Variants in ZNF619 observed in about 807,000 individuals in gnomAD.
ZNF619 encodes zinc finger protein 619.
In ZNF619, 9 loss-of-function variants were observed where a neutral mutation model predicts 14.2. The observed-to-expected ratio is 0.64, with a 90% confidence interval of 0.38 to 1.11. The LOEUF (loss-of-function observed/expected upper bound fraction) is 1.11, where lower values mean the gene tolerates loss of function less well. Among genes scored for constraint, ZNF619 ranks in the 50% least tolerant of loss-of-function variants. The probability of loss-of-function intolerance (pLI) is 0.01; values close to 1 mark genes in which losing one functional copy is unlikely to be tolerated. For synonymous variants in ZNF619, 246 were observed against 252.8 expected, an observed-to-expected ratio of 0.97 and a Z score of 0.26; for missense variants, 659 against 680.1, an observed-to-expected ratio of 0.97 and a Z score of 0.34.
At chr3:40,478,306 G>T (rs957766317) in intron 2 of ZNF619, among the ~76,000 whole-genome samples, 6 of 152,064 alleles carry the variant, frequency 3.9e-5, no homozygotes, top group South Asian at 2.1e-4. Context: ...AAAATGTCAG[G>T]CCCCCTCCCC....
intron 4 of ZNF619, 135 bp downstream of exon 4, chr3:40,482,839 G>A: frequency 9.1e-6 from 6 of 662,690 alleles, no homozygotes; most frequent in Non-Finnish European, 1.5e-5. Context: ...TCAAAGAAGT[G>A]TTGCTTACCA....
rs760897227 is a variant in ZNF619, at chr3:40,482,587, G to A, written c.179-1G>A. Reference sequence around the variant, plus strand: ...TCATGTTCCTTTTCTTTCTCCTGTAGCAGCATTTCCATTCCCCAAACCAGA... The same window carrying A: ...TCATGTTCCTTTTCTTTCTCCTGTAACAGCATTTCCATTCCCCAAACCAGA... On this transcript the variant is annotated splice_acceptor_variant, in intron 3 of 4. Transcript: ENST00000432264. LOFTEE classifies it high-confidence loss of function. 3.1e-6 allele frequency: 5 copies of A among 1,613,808 alleles called. No homozygotes were observed. The highest frequency in any genetic ancestry group is 3.4e-6 in the Non-Finnish European group (4 of 1,179,908).
chr3:40,482,202 C>G (rs762344608), intron 3 of ZNF619, 186 bp downstream of exon 3: 7 of 1,549,970 alleles, frequency 4.5e-6, no homozygotes, highest in Non-Finnish European at 6.1e-6. Flanking sequence ...TTTAACAGGA[C>G]TTTTCTCTTC....
Position 40,488,512 on chromosome 3 carries a change from T to A in ZNF619, c.*271T>A, listed in dbSNP as rs1322674978. On this transcript the variant is annotated 3_prime_UTR_variant, in exon 5 of 5. Coordinates refer to ENST00000432264, the MANE Select transcript of ZNF619 (RefSeq NM_001145093.4). ...TCTGGGGCTACTGGAGTTGGAAGAG[T>A]TTGCAGAACATTTTGGGGTTTAGGG... 7.0e-6 allele frequency: 3 copies of A among 426,172 alleles called. No individual in the cohort carries two copies. The highest frequency in any genetic ancestry group is 1.2e-5 in the Non-Finnish European group (3 of 242,132). The allele number at this position is 426,172 out of a possible 1,614,324, so 26.4% of individuals were successfully genotyped here.
rs370494897 is a variant in ZNF619, at chr3:40,487,446, G to C, written c.936G>C (p.Gly312=). ...TTCGGCATCAGAGAATCCATACTGGGGAGAAGCCCTTTAAATGTAAGGAAT... is the reference window on the plus strand; with the variant it reads ...TTCGGCATCAGAGAATCCATACTGGCGAGAAGCCCTTTAAATGTAAGGAAT... ...KLIRHQRIHT[G]EKPFKCKECG... Residue 312 remains glycine, a synonymous_variant, in exon 5 of 5, where the codon GGG becomes GGC. Transcript: ENST00000432264. The C allele has an allele frequency of 7.6e-4, 1,225 of 1,614,166 alleles. No individual in the cohort carries two copies. Among genetic ancestry groups the C allele is most frequent in the Non-Finnish European group, 9.5e-4 (1,120 of 1,180,032 alleles).
intron 4 of ZNF619, among the ~76,000 whole-genome samples, chr3:40,485,934 G>A (rs1314773296): frequency 6.6e-6 from 1 of 152,130 alleles, no homozygotes; most frequent in Non-Finnish European, 1.5e-5. Flanking sequence ...TTTTAAAATT[G>A]TGGTCTTCTC....
chr3:40,480,812 T>A (rs1697366628), intron 2 of ZNF619, among the ~76,000 whole-genome samples: 1 of 152,184 alleles, frequency 6.6e-6, no homozygotes, highest in African/African-American at 2.4e-5. Flanking sequence ...AATCTTCTAG[T>A]ACTTCTATGT....
chr3:40,480,659 C>T (rs1004572285), intron 2 of ZNF619, among the ~76,000 whole-genome samples: 5 of 152,002 alleles, frequency 3.3e-5, no homozygotes, highest in African/African-American at 7.2e-5. Context: ...CCACCACGCC[C>T]GGCTAATTTT....
intron 2 of ZNF619, among the ~76,000 whole-genome samples, chr3:40,479,196 A>T (rs1320467290): frequency 6.6e-6 from 1 of 152,144 alleles, no homozygotes; most frequent in Non-Finnish European, 1.5e-5. Context: ...CAGCTAGAAG[A>T]GGAGCTGCCC....
chr3:40,485,949 AC>A (rs773483797), intron 4 of ZNF619, among the ~76,000 whole-genome samples: 106 of 152,050 alleles, frequency 7.0e-4, no homozygotes, highest in Non-Finnish European at 1.3e-3. Flanking sequence ...CTTCTCATGA[AC>A]CCTTTATAAG....
chr3:40,485,555 G>A (rs1045810949), intron 4 of ZNF619, among the ~76,000 whole-genome samples: 1 of 151,962 alleles, frequency 6.6e-6, no homozygotes, highest in South Asian at 2.1e-4. Flanking sequence ...CACCTGCCTC[G>A]GCCTCCCAAA....
In ZNF619 at chr3:40,482,160, T is replaced by C. The variant is rs1436768616; in HGVS notation, c.178+144T>C. ...CCTAATCCCCAGTGCCAGGGGTAGC[T>C]GGATGGAGAAAGAGCTCGGTTCACT... On this transcript the variant is annotated intron_variant, in intron 3 of 4. Coordinates refer to ENST00000432264, the MANE Select transcript of ZNF619 (RefSeq NM_001145093.4). 18 of 1,547,144 alleles carry C rather than the reference T, an allele frequency of 1.2e-5. No homozygotes were observed. The Admixed American group carries it at 3.6e-4, about 31-fold the overall frequency.
chr3:40,488,084 C>T lies in ZNF619; in HGVS notation c.1574C>T (p.Ala525Val). 6.2e-7 allele frequency: 1 copy of T among 1,614,230 alleles called. No individual in the cohort carries two copies. The change falls in exon 5 of 5, where the codon GCA becomes GTA. Residue 525 changes from alanine to valine, a missense_variant. Transcript: ENST00000432264. ...PPGPPLSSSH[A>V]VVLPPSVPFF... Reference sequence around the variant, plus strand: ...GGGCCTCCCTTATCTTCTTCACATGCAGTGGTACTTCCTCCCTCTGTGCCT... The same window carrying T: ...GGGCCTCCCTTATCTTCTTCACATGTAGTGGTACTTCCTCCCTCTGTGCCT...
Position 40,482,197 on chromosome 3 carries a change from C to T in ZNF619, c.178+181C>T, listed in dbSNP as rs1446574001. 2.6e-6 allele frequency: 4 copies of T among 1,549,528 alleles called. No homozygotes were observed. In the Admixed American group the frequency reaches 5.9e-5, roughly 23 times the overall value. The stretch of plus-strand genomic sequence containing the variant: ...GAGCTCGGTTCACTTTGGTGTTTAA[C>T]AGGACTTTTCTCTTCCCTGGTTCCT... On this transcript the variant is annotated intron_variant, in intron 3 of 4. Transcript: ENST00000432264.
In ZNF619 at chr3:40,490,467, G is replaced by A. The variant is rs184385662; in HGVS notation, c.*2226G>A. Among the ~76,000 whole-genome samples, 12 of 152,240 alleles carry A rather than the reference G, an allele frequency of 7.9e-5. No homozygotes were observed. Among genetic ancestry groups the A allele is most frequent in the African/African-American group, 2.2e-4 (9 of 41,544 alleles). ...CCAAGGCTTAGAAGAGAAGACTAGG[G>A]AAAGTCTGAACCTTCTTAGAGATTA... is the stretch of plus-strand genomic sequence containing the variant. On this transcript the variant is annotated 3_prime_UTR_variant, in exon 5 of 5. Coordinates refer to ENST00000432264, the MANE Select transcript of ZNF619 (RefSeq NM_001145093.4).
chr3:40,488,196 G>A lies in ZNF619; in HGVS notation c.1686G>A (p.Gly562=), dbSNP rs1191150760. 5 of 1,609,796 alleles carry A rather than the reference G, an allele frequency of 3.1e-6. No homozygotes were observed. Among genetic ancestry groups the A allele is most frequent in the Non-Finnish European group, 4.2e-6 (5 of 1,177,354 alleles). The change falls in exon 5 of 5, where the codon GGG becomes GGA. Residue 562 remains glycine, a synonymous_variant. Transcript: ENST00000432264. Reference sequence around the variant, plus strand: ...TTTTTCAGGATCTCGCTTTTCCTGGGAAGTCATCCCTTCAGAGCCCGAATC... The same window carrying A: ...TTTTTCAGGATCTCGCTTTTCCTGGAAAGTCATCCCTTCAGAGCCCGAATC... ...AHFFQDLAFP[G]KSSLQSPNPL...
rs368439295 is a variant in ZNF619, at chr3:40,487,867, G to C, written c.1357G>C (p.Glu453Gln). The C allele has an allele frequency of 1.2e-6, 2 of 1,614,122 alleles. No individual in the cohort carries two copies. Among genetic ancestry groups the C allele is most frequent in the African/African-American group, 1.3e-5 (1 of 74,944 alleles). ...LVQHQRVHTG[E>Q]KPYECKECGK... ...TCAGCATCAGCGAGTTCACACTGGG[G>C]AGAAACCTTATGAGTGTAAGGAGTG... is the stretch of plus-strand genomic sequence containing the variant. The change falls in exon 5 of 5, where the codon GAG (glutamate) becomes CAG (glutamine). Residue 453 changes from glutamate (E) to glutamine (Q), a missense_variant. Transcript: ENST00000432264.
At chr3:40,482,098 T>C in intron 3 of ZNF619, 82 bp downstream of exon 3, 1 of 1,553,212 alleles carries the variant, frequency 6.4e-7, no homozygotes, top group African/African-American at 1.4e-5. Flanking sequence ...AGGATCTCTT[T>C]AATACCATCA....
At position 40,482,674 on chromosome 3, in the gene ZNF619, G is replaced by C. The variant is rs1035494010; in HGVS notation, c.265G>C (p.Gly89Arg). The C allele has an allele frequency of 4.6e-5, 74 of 1,613,924 alleles. No homozygotes were observed. The highest frequency in any genetic ancestry group is 6.7e-5 in the African/African-American group (5 of 74,926). ...GGGCCCAGATCCCTGGACACTTGCT[G>C]GGGGAGAGGCCCTGAGAGGCATGTG... is the stretch of plus-strand genomic sequence containing the variant. Reference protein sequence around the residue: ...AWGPDPWTLAGGEALRGMCTG... With the variant: ...AWGPDPWTLARGEALRGMCTG... Residue 89 changes from glycine (G) to arginine (R), a missense_variant, in exon 4 of 5, where the codon GGG becomes CGG. By Grantham distance (125) the Gly-to-Arg change is moderately radical (BLOSUM62 -2). Transcript: ENST00000432264.
Sources: allele counts gnomAD v4.1 joint callset (sites outside exome capture counted in the v4.1 genomes callset), GRCh38; gene constraint gnomAD v4.1.1; transcripts MANE v1.5; gene names NCBI Gene and HGNC (gene_info 2026-07-23, HGNC 2026-07-21).